The following CUTC variants were observed in gnomAD, a reference collection of about 807,000 sequenced individuals.
CUTC encodes the protein copper homeostasis protein cutC homolog.
A neutral mutation model predicts 36.2 loss-of-function variants in CUTC; 27 were observed. The ratio of observed to expected loss-of-function variants is 0.75; its 90% CI spans 0.55 to 1.03. CUTC has a LOEUF of 1.03. CUTC is among the 50% of genes least tolerant of loss of function. CUTC has a pLI of 0.00. For synonymous variants in CUTC, 114 were observed against 118.3 expected (o/e 0.96, Z 0.24); for missense variants, 315 against 343.5 (o/e 0.92, Z 0.66).
Position 99,755,694 on chromosome 10 carries a change from C to T in CUTC, c.777C>T (p.Thr259=). The T allele has an allele frequency of 1.2e-6, 2 of 1,613,850 alleles. No individual in the cohort carries two copies. The highest frequency in any genetic ancestry group is 1.7e-6 in the Non-Finnish European group (2 of 1,179,848). ...SEYSLKVTDV[T]KVRTLNAIAK... is the part of the protein sequence containing the mutation. ...ATTCCCTAAAGGTAACAGATGTGAC[C>T]AAAGTAAGGACTTTGAATGCTATCG... The change falls in exon 9 of 9, where the codon ACC becomes ACT. Residue 259 remains threonine, a synonymous_variant. Coordinates refer to ENST00000370476, the MANE Select transcript of CUTC (RefSeq NM_015960.3).
At chr10:99,736,903 A>G (rs1462186352) in intron 2 of CUTC, among the ~76,000 whole-genome samples, 1 of 152,216 alleles carries the variant, frequency 6.6e-6, no homozygotes, top group Non-Finnish European at 1.5e-5. Flanking sequence ...GAAGAGCTGC[A>G]TAGTATATAT....
At chr10:99,736,041 C>T (rs1015582568) in intron 1 of CUTC, among the ~76,000 whole-genome samples, 2 of 152,206 alleles carry the variant, frequency 1.3e-5, no homozygotes, top group Non-Finnish European at 2.9e-5. Context: ...ATTTTTTATA[C>T]ATCTGTCTGT....
At chr10:99,732,844 C>A (rs887833146) in intron 1 of CUTC, among the ~76,000 whole-genome samples, 9 of 152,138 alleles carry the variant, frequency 5.9e-5, no homozygotes, top group African/African-American at 2.2e-4. Context: ...CCCAAAGTCA[C>A]GCAGCTACCA....
intron 5 of CUTC, among the ~76,000 whole-genome samples, chr10:99,747,037 A>C (rs1468817171): frequency 1.3e-5 from 2 of 152,170 alleles, no homozygotes; most frequent in African/African-American, 4.8e-5. Flanking sequence ...CAAAATGCCA[A>C]GATTATAGGC....
chr10:99,736,187 T>G lies in CUTC; in HGVS notation c.62-59T>G, dbSNP rs937902744. The G allele has an allele frequency of 4.2e-6, 6 of 1,435,410 alleles. No individual in the cohort carries two copies. In the African/African-American group the frequency reaches 8.4e-5, roughly 20 times the overall value. 88.9% of individuals were successfully genotyped at this position (1,435,410 alleles called of 1,614,324 possible). A position where few individuals can be genotyped will look rare whatever the true frequency, so the allele number is the denominator to read the frequency against. On this transcript the variant is annotated intron_variant, in intron 1 of 8. Transcript: ENST00000370476. ...GCAGCAGAATGTAAACCCTTTGTGG[T>G]AAATTGGTCTGGATGGATAGAACCT...
intron 2 of CUTC, among the ~76,000 whole-genome samples, chr10:99,737,870 C>T (rs370003059): frequency 0.012 from 1,886 of 151,254 alleles, 52 homozygotes; most frequent in African/African-American, 0.044. Flanking sequence ...AGACTCTTGC[C>T]GGGCGCGGTG....
intron 4 of CUTC, 56 bp from the exon 5 acceptor site, chr10:99,743,980 TA>T: frequency 7.0e-7 from 1 of 1,419,486 alleles, no homozygotes; most frequent in Non-Finnish European, 9.9e-7. Context: ...GAATTCTATA[TA>T]TAGTAATCAG....
intron 2 of CUTC, among the ~76,000 whole-genome samples, chr10:99,738,145 CAAA>C (rs752122009): frequency 9.0e-6 from 1 of 110,688 alleles, no homozygotes. Flanking sequence ...AACTCCGTCT[CAAA>C]AAAAAAAAAA....
chr10:99,755,889 GA>G lies in CUTC; in HGVS notation c.*152del. Reference sequence around the variant, plus strand: ...ACATGGCCATGGAGAATGTGCCCAAGAAGAAAAAGAATTTGAAACAGAGATA... The same window carrying G: ...ACATGGCCATGGAGAATGTGCCCAAGAGAAAAAGAATTTGAAACAGAGATA... On this transcript the variant is annotated 3_prime_UTR_variant, in exon 9 of 9. Transcript: ENST00000370476. The G allele has an allele frequency of 5.4e-6, 3 of 559,000 alleles. No individual in the cohort carries two copies. The highest frequency in any genetic ancestry group is 9.5e-6 in the Non-Finnish European group (3 of 316,022). 34.6% of individuals were successfully genotyped at this position (559,000 alleles called of 1,614,324 possible).
intron 2 of CUTC, 50 bp from the exon 3 acceptor site, chr10:99,739,660 A>G: frequency 2.6e-6 from 4 of 1,538,010 alleles, no homozygotes; most frequent in Non-Finnish European, 1.8e-6. Flanking sequence ...TTGCTGTTTA[A>G]TAACAGCTTA....
chr10:99,743,023 A>G lies in CUTC; in HGVS notation c.194-130A>G, dbSNP rs921879007. The G allele has an allele frequency of 1.7e-5, 13 of 762,896 alleles. No homozygotes were observed. In the Admixed American group the frequency reaches 2.4e-4, roughly 14 times the overall value. 47.3% of individuals were successfully genotyped at this position (762,896 alleles called of 1,614,324 possible). A position where few individuals can be genotyped will look rare whatever the true frequency, so the allele number is the denominator to read the frequency against. ...AACCCTTTGCTATTACTTACCTTCTACCATATATACATTTTTCTTCTCAGT... is the reference window on the plus strand; with the variant it reads ...AACCCTTTGCTATTACTTACCTTCTGCCATATATACATTTTTCTTCTCAGT... On this transcript the variant is annotated intron_variant, in intron 3 of 8. Coordinates refer to ENST00000370476, the MANE Select transcript of CUTC (RefSeq NM_015960.3).
intron 3 of CUTC, among the ~76,000 whole-genome samples, chr10:99,740,183 G>A (rs970352235): frequency 6.6e-6 from 1 of 152,064 alleles, no homozygotes; most frequent in Non-Finnish European, 1.5e-5. Flanking sequence ...TTAAATAAGA[G>A]ATTTAAATAA....
chr10:99,745,431 CCTAAT>C (rs1443339846), intron 5 of CUTC, among the ~76,000 whole-genome samples: 1 of 152,188 alleles, frequency 6.6e-6, no homozygotes, highest in African/African-American at 2.4e-5. Context: ...ACCACTACCA[CCTAAT>C]CCACTGCAGG....
In CUTC at chr10:99,747,109, G is replaced by C. The variant is rs1317772766; in HGVS notation, c.440-148G>C. 3.6e-6 allele frequency: 3 copies of C among 835,464 alleles called. No individual in the cohort carries two copies. In the African/African-American group the frequency reaches 5.1e-5, roughly 14 times the overall value. The allele number at this position is 835,464 out of a possible 1,614,324, so 51.8% of individuals were successfully genotyped here. A position where few individuals can be genotyped will look rare whatever the true frequency, so the allele number is the denominator to read the frequency against. On this transcript the variant is annotated intron_variant, in intron 5 of 8. Transcript: ENST00000370476. ...CAGGCTGCCAGTGGATTAACAATCTGACTTGCAGAATTCTTGAGTGTTTAA... is the reference window on the plus strand; with the variant it reads ...CAGGCTGCCAGTGGATTAACAATCTCACTTGCAGAATTCTTGAGTGTTTAA...
chr10:99,742,439 T>C (rs1759759234), intron 3 of CUTC, among the ~76,000 whole-genome samples: 2 of 152,190 alleles, frequency 1.3e-5, no homozygotes, highest in South Asian at 2.1e-4. Context: ...GTCTGTAAAT[T>C]TGAGTACAGT....
At chr10:99,747,079 A>G (rs2037383233) in intron 5 of CUTC, among the ~76,000 whole-genome samples, 178 bp from the exon 6 acceptor site, 1 of 152,148 alleles carries the variant, frequency 6.6e-6, no homozygotes, top group African/African-American at 2.4e-5. Flanking sequence ...TACCTTCACT[A>G]ATTTCAGGCT....
intron 2 of CUTC, among the ~76,000 whole-genome samples, chr10:99,736,744 A>T (rs1049825733): frequency 3.3e-5 from 5 of 151,916 alleles, no homozygotes; most frequent in African/African-American, 9.7e-5. Flanking sequence ...CAGAAAAATT[A>T]AAAAAAAATT....
At position 99,754,581 on chromosome 10, in the gene CUTC, T is replaced by C. The variant is rs748118959; in HGVS notation, c.654T>C (p.Ala218=). ...NLQRILEGSG[A]TEFHCSARST... is the part of the protein sequence containing the mutation. The stretch of plus-strand genomic sequence containing the variant: ...AAAGGATCCTTGAGGGTTCAGGTGC[T>C]ACAGAATTCCACTGTTCTGCTCGGT... The change falls in exon 8 of 9, where the codon GCT becomes GCC. Residue 218 remains alanine, a synonymous_variant. Coordinates refer to ENST00000370476, the MANE Select transcript of CUTC (RefSeq NM_015960.3). The C allele has an allele frequency of 4.3e-6, 7 of 1,613,948 alleles. No individual in the cohort carries two copies. The South Asian group carries it at 5.5e-5, about 13-fold the overall frequency.
intron 8 of CUTC, 51 bp downstream of exon 8, chr10:99,754,685 T>C (rs773060577): frequency 7.3e-6 from 10 of 1,365,768 alleles, no homozygotes; most frequent in Middle Eastern, 1.8e-4. Context: ...TAATTTTTAC[T>C]TTCTCCCAAA....
Sources: gnomAD v4.1 joint callset for allele counts (sites outside exome capture counted in the v4.1 genomes callset) on GRCh38, gnomAD v4.1.1 for gene constraint, MANE v1.5 for transcripts, NCBI Gene and HGNC (gene_info 2026-07-23, HGNC 2026-07-21) for gene names.